Variants in TGFB2 observed in about 807,000 individuals in gnomAD.
The protein encoded by TGFB2 is transforming growth factor beta 2, also known as transforming growth factor beta-2 proprotein.
In TGFB2, 13 loss-of-function variants were observed where a neutral mutation model predicts 42.7. The ratio of observed to expected loss-of-function variants is 0.30; its 90% CI spans 0.20 to 0.48. The LOEUF (loss-of-function observed/expected upper bound fraction) is 0.48. TGFB2 is among the 20% of genes least tolerant of loss of function. TGFB2 has a pLI of 0.99. For missense variants in TGFB2, 390 were observed against 517.5 expected (o/e 0.75, Z 2.39); for synonymous variants, 193 against 193.6 (o/e 1.00, Z 0.03).
At chr1:218,366,298 TTCTC>T (rs756161580) in intron 1 of TGFB2, among the ~76,000 whole-genome samples, 1 of 151,626 alleles carries the variant, frequency 6.6e-6, no homozygotes, top group South Asian at 2.1e-4. Context: ...AAGGTGGTAT[TTCTC>T]TCTCTCTCTC....
chr1:218,423,862 A>G (rs1659536053), intron 2 of TGFB2, among the ~76,000 whole-genome samples: 1 of 152,246 alleles, frequency 6.6e-6, no homozygotes, highest in Non-Finnish European at 1.5e-5. Flanking sequence ...CTCGACAAAC[A>G]TACAAGGTGC....
intron 1 of TGFB2, among the ~76,000 whole-genome samples, chr1:218,347,820 TC>T (rs1242938540): frequency 2.0e-5 from 3 of 152,144 alleles, no homozygotes; most frequent in African/African-American, 2.4e-5. Context: ...TCTTCACATC[TC>T]CAGTGTAGCA....
chr1:218,349,133 T>A (rs975911475), intron 1 of TGFB2, among the ~76,000 whole-genome samples: 2 of 152,068 alleles, frequency 1.3e-5, no homozygotes, highest in Non-Finnish European at 2.9e-5. Flanking sequence ...CTCCGATACG[T>A]CCAAGATAAA....
rs561182434 is a variant in TGFB2 at position 218,405,332 on chromosome 1, G to A, written c.510G>A (p.Gln170=). The part of the protein sequence containing the change: ...RVPEQRIELY[Q]ILKSKDLTSP... Reference sequence around the variant, plus strand: ...CTGAACAACGGATTGAGCTATATCAGGTAATGTTCATTTGTTGTTGTTGTT... The same window carrying A: ...CTGAACAACGGATTGAGCTATATCAAGTAATGTTCATTTGTTGTTGTTGTT... Residue 170 remains glutamine (Q), a splice_region_variant and synonymous_variant, in exon 2 of 7, where the codon CAG becomes CAA. Transcript: ENST00000366930. 3 of 1,612,482 alleles carry A rather than the reference G, an allele frequency of 1.9e-6. No homozygotes were observed. The highest frequency in any genetic ancestry group is 1.7e-5 in the Admixed American group (1 of 59,856).
chr1:218,429,308 GC>G (rs1659730062), intron 2 of TGFB2, among the ~76,000 whole-genome samples: 1 of 152,104 alleles, frequency 6.6e-6, no homozygotes, highest in African/African-American at 2.4e-5. Context: ...CTATGAATTT[GC>G]CTATTTAAAG....
intron 4 of TGFB2, among the ~76,000 whole-genome samples, chr1:218,434,757 A>G (rs943827176): frequency 6.6e-6 from 1 of 152,216 alleles, no homozygotes; most frequent in South Asian, 2.1e-4. Flanking sequence ...CTTTCCATCT[A>G]TACTGATATT....
intron 1 of TGFB2, among the ~76,000 whole-genome samples, chr1:218,347,706 T>G (rs949848073): frequency 4.6e-5 from 7 of 152,202 alleles, no homozygotes; most frequent in Non-Finnish European, 7.3e-5. Flanking sequence ...ATAACCACGT[T>G]CCCTTTTCAC....
Position 218,416,849 on chromosome 1 carries a change from T to C in TGFB2, c.510+11517T>C, listed in dbSNP as rs531136108. ...GTGATAGTGAATAAGTCTCATGAGA[T>C]CTGATGGTTTTAAATAGAGGTGGTC... On this transcript the variant is annotated intron_variant, in intron 2 of 6. Coordinates refer to ENST00000366930, the MANE Select transcript of TGFB2 (RefSeq NM_003238.6). 3.3e-5 allele frequency among the ~76,000 whole-genome samples: 5 copies of C among 152,248 alleles called. No homozygotes were observed. In the East Asian group the frequency reaches 9.7e-4, roughly 29 times the overall value.
intron 2 of TGFB2, among the ~76,000 whole-genome samples, chr1:218,419,350 T>C (rs1659382339): frequency 6.6e-6 from 1 of 152,216 alleles, no homozygotes; most frequent in African/African-American, 2.4e-5. Flanking sequence ...AGGTCTTTCC[T>C]TAGAGACCAC....
chr1:218,383,647 G>T (rs1331089854), intron 1 of TGFB2, among the ~76,000 whole-genome samples: 1 of 152,144 alleles, frequency 6.6e-6, no homozygotes, highest in Non-Finnish European at 1.5e-5. Context: ...GAAGCCCTTT[G>T]TCCCTTCAGC....
intron 1 of TGFB2, among the ~76,000 whole-genome samples, chr1:218,356,982 C>T (rs183132899): frequency 2.0e-5 from 3 of 152,246 alleles, no homozygotes; most frequent in East Asian, 1.9e-4. Context: ...GAGGCTGAGG[C>T]GGGTGGATCA....
chr1:218,422,222 CTTTTTT>C (rs993232695), intron 2 of TGFB2, among the ~76,000 whole-genome samples: 3 of 148,682 alleles, frequency 2.0e-5, no homozygotes, highest in African/African-American at 7.5e-5. Context: ...TTTTTGTTTT[CTTTTTT>C]TTTGTTTTTG....
At chr1:218,422,198 T>C (rs1659476338) in intron 2 of TGFB2, among the ~76,000 whole-genome samples, 1 of 151,880 alleles carries the variant, frequency 6.6e-6, no homozygotes, top group African/African-American at 2.4e-5. Flanking sequence ...TTCTTTCTTC[T>C]TGTTTTTTTT....
chr1:218,367,556 G>A (rs909683770), intron 1 of TGFB2, among the ~76,000 whole-genome samples: 2 of 152,054 alleles, frequency 1.3e-5, no homozygotes, highest in African/African-American at 2.4e-5. Flanking sequence ...TATAACTACC[G>A]TAGATTTTTT....
intron 1 of TGFB2, among the ~76,000 whole-genome samples, chr1:218,362,159 G>A (rs1209309317): frequency 6.6e-6 from 1 of 152,098 alleles, no homozygotes; most frequent in Non-Finnish European, 1.5e-5. Flanking sequence ...CACACATATG[G>A]CAAAAATAAA....
chr1:218,373,613 G>A (rs10482743), intron 1 of TGFB2, among the ~76,000 whole-genome samples: 5,061 of 152,006 alleles, frequency 0.033, 261 homozygotes, highest in African/African-American at 0.12. Context: ...AGGAAACTGA[G>A]GTGTAGTAAC....
At chr1:218,392,289 C>G (rs968409269) in intron 1 of TGFB2, among the ~76,000 whole-genome samples, 1 of 152,082 alleles carries the variant, frequency 6.6e-6, no homozygotes, top group Non-Finnish European at 1.5e-5. Flanking sequence ...GGAGGCGGAG[C>G]TTGCAGTGAG....
rs1410803751 is a variant in TGFB2 at position 218,357,220 on chromosome 1, A to G, written c.346+10173A>G. ...AGAGCAAGACTTCATCTGAAAAATG[A>G]AAAAAAAAAAAAAAGAAATCTCAAA... On this transcript the variant is annotated intron_variant, in intron 1 of 6. Coordinates refer to ENST00000366930, the MANE Select transcript of TGFB2 (RefSeq NM_003238.6). Among the ~76,000 whole-genome samples the G allele has an allele frequency of 4.8e-5, 6 of 124,902 alleles. No individual in the cohort carries two copies. The East Asian group carries it at 1.2e-3, about 25-fold the overall frequency. The allele number at this position is 124,902 out of a possible 152,430, so 81.9% of individuals were successfully genotyped here. A position where few individuals can be genotyped will look rare whatever the true frequency, so the allele number is the denominator to read the frequency against.
Position 218,399,164 on chromosome 1 carries a change from T to G in TGFB2, c.347-6005T>G, listed in dbSNP as rs1036518331. On this transcript the variant is annotated intron_variant, in intron 1 of 6. Transcript: ENST00000366930. Reference sequence around the variant, plus strand: ...TTGGCCTCCCAGAGTGCTGGGATTTTAGGCATGAGCCACTGTGCCAGGCCT... The same window carrying G: ...TTGGCCTCCCAGAGTGCTGGGATTTGAGGCATGAGCCACTGTGCCAGGCCT... 3.9e-5 allele frequency among the ~76,000 whole-genome samples: 6 copies of G among 152,028 alleles called. No individual in the cohort carries two copies. The South Asian group carries it at 6.2e-4, about 16-fold the overall frequency.
Sources: gnomAD v4.1 joint callset for allele counts (sites outside exome capture counted in the v4.1 genomes callset) on GRCh38, gnomAD v4.1.1 for gene constraint, MANE v1.5 for transcripts, NCBI Gene and HGNC (gene_info 2026-07-23, HGNC 2026-07-21) for gene names.